Variants in GAB3 observed in about 807,000 individuals in gnomAD.
GAB3 encodes the protein GRB2 associated binding protein 3.
Under a neutral mutation model 40.4 loss-of-function variants are expected in GAB3, and 12 were observed. That is an observed-to-expected ratio of 0.30 (90% confidence interval 0.19 to 0.48). GAB3 has a LOEUF of 0.48. Ranked by LOEUF, GAB3 falls within the 20% of genes least tolerant of loss-of-function variation. The pLI is 0.99. For missense variants in GAB3, 381 were observed against 461.9 expected (o/e 0.82, Z 1.61); for synonymous variants, 154 against 176.7 (o/e 0.87, Z 1.02).
At position 154,712,439 on chromosome X, in the gene GAB3, C is replaced by T. The variant is rs2070965742; in HGVS notation, c.859G>A (p.Val287Ile). The change falls in exon 4 of 10, where the codon GTA (valine) becomes ATA (isoleucine). Residue 287 changes from valine (V) to isoleucine (I), a missense_variant. This residue lies in a region of GAB3 where 364 missense variants were observed against 421.0 expected (regional missense o/e 0.86). Coordinates refer to ENST00000424127, the MANE Select transcript of GAB3 (RefSeq NM_001081573.3). ...GGTAAGGAACCTTGATTTTTATCTA[C>T]CTGAATGGTGGAACTTAAGGAACTT... ...LESSLSSTIQ[V>I]DKNQGSLPCG... 8.3e-7 allele frequency: 1 copy of T among 1,209,364 alleles called. No homozygotes were observed. Among genetic ancestry groups the T allele is most frequent in the Non-Finnish European group, 1.1e-6 (1 of 894,870 alleles).
At chrX:154,682,432 C>T in intron 8 of GAB3, among the ~76,000 whole-genome samples, 1 of 111,465 alleles carries the variant, frequency 9.0e-6, no homozygotes, top group Middle Eastern at 4.9e-3. Flanking sequence ...ATGATATCTA[C>T]TACAGGTTCT....
intron 8 of GAB3, among the ~76,000 whole-genome samples, chrX:154,695,049 A>G (rs1216712459): frequency 1.8e-5 from 2 of 112,357 alleles, no homozygotes; most frequent in Non-Finnish European, 3.8e-5. Context: ...GTTGCTGATT[A>G]TCCTTGCATA....
At chrX:154,736,075 C>G (rs960100230) in intron 1 of GAB3, among the ~76,000 whole-genome samples, 2 of 112,682 alleles carry the variant, frequency 1.8e-5, no homozygotes, top group East Asian at 5.6e-4. Flanking sequence ...TGAAAGCCCC[C>G]CAAAGTGGGG....
At chrX:154,696,398 A>G (rs1239907189) in intron 7 of GAB3, among the ~76,000 whole-genome samples, 2 of 109,970 alleles carry the variant, frequency 1.8e-5, no homozygotes, top group Admixed American at 1.9e-4. Flanking sequence ...CTGATAGGAC[A>G]CAAGACTGCC....
intron 8 of GAB3, among the ~76,000 whole-genome samples, chrX:154,695,011 A>T (rs1189598642): frequency 2.7e-5 from 3 of 112,382 alleles, no homozygotes; most frequent in Non-Finnish European, 5.6e-5. Flanking sequence ...TTATAGCTTA[A>T]CTGGAGATTA....
At chrX:154,710,796 A>G (rs1161297173) in intron 4 of GAB3, among the ~76,000 whole-genome samples, 1 of 112,638 alleles carries the variant, frequency 8.9e-6, no homozygotes, top group Non-Finnish European at 1.9e-5. Context: ...CTTCATGTAA[A>G]AGAACACAAC....
At chrX:154,727,228 T>G (rs1444511481) in intron 1 of GAB3, among the ~76,000 whole-genome samples, 1 of 112,531 alleles carries the variant, frequency 8.9e-6, no homozygotes, top group African/African-American at 3.2e-5. Flanking sequence ...CCTGAACATG[T>G]AGAATCTCCT....
At chrX:154,687,578 G>A (rs782543621) in intron 8 of GAB3, among the ~76,000 whole-genome samples, 2 of 100,144 alleles carry the variant, frequency 2.0e-5, no homozygotes, top group East Asian at 3.2e-4. Flanking sequence ...AGCTTGCAGT[G>A]AGCCGAGATG....
chrX:154,730,330 TC>T (rs1264626890), intron 1 of GAB3, among the ~76,000 whole-genome samples: 1 of 112,415 alleles, frequency 8.9e-6, no homozygotes, highest in Non-Finnish European at 1.9e-5. Flanking sequence ...ACCGTGTTTT[TC>T]TTGTTCTTGT....
chrX:154,734,829 C>T (rs1162959844), intron 1 of GAB3, among the ~76,000 whole-genome samples: 2 of 112,412 alleles, frequency 1.8e-5, no homozygotes, highest in Admixed American at 9.4e-5. Context: ...GCTTTGAGCA[C>T]ATCCAGTCTG....
intron 1 of GAB3, among the ~76,000 whole-genome samples, chrX:154,747,390 T>C (rs2071544500): frequency 8.9e-6 from 1 of 112,666 alleles, no homozygotes; most frequent in South Asian, 3.6e-4. Context: ...CTGGAACAAA[T>C]GAAATCGGTA....
intron 1 of GAB3, among the ~76,000 whole-genome samples, chrX:154,730,417 T>C (rs1459299710): frequency 9.0e-6 from 1 of 111,683 alleles, no homozygotes; most frequent in Non-Finnish European, 1.9e-5. Context: ...GACTGCCACT[T>C]GCAAGGCCCC....
At chrX:154,704,104 C>T (rs1476393640) in intron 4 of GAB3, among the ~76,000 whole-genome samples, 1 of 111,669 alleles carries the variant, frequency 9.0e-6, no homozygotes, top group Non-Finnish European at 1.9e-5. Flanking sequence ...ACGGATTGAA[C>T]TGGAGGTCAT....
chrX:154,702,436 C>T (rs1429355522), intron 4 of GAB3, among the ~76,000 whole-genome samples: 1 of 112,179 alleles, frequency 8.9e-6, no homozygotes, highest in African/African-American at 3.2e-5. Flanking sequence ...GGAAAAAACG[C>T]TAAGGCATCA....
chrX:154,750,153 C>G (rs1344731856), intron 1 of GAB3, among the ~76,000 whole-genome samples: 2 of 112,759 alleles, frequency 1.8e-5, no homozygotes, highest in Admixed American at 1.9e-4. Flanking sequence ...ATGCAACTCC[C>G]TGGGGACTGA....
chrX:154,733,527 A>G (rs1178807594), intron 1 of GAB3, among the ~76,000 whole-genome samples: 1 of 112,177 alleles, frequency 8.9e-6, no homozygotes, highest in Non-Finnish European at 1.9e-5. Context: ...CACTCACTAG[A>G]TTATTTGTTG....
At chrX:154,721,850 T>C (rs1415960664) in intron 1 of GAB3, among the ~76,000 whole-genome samples, 1 of 111,666 alleles carries the variant, frequency 9.0e-6, no homozygotes, top group Non-Finnish European at 1.9e-5. Context: ...GAAAACACTA[T>C]GGAGGTTCCT....
chrX:154,713,432 G>T lies in GAB3; in HGVS notation c.377-6C>A, dbSNP rs782727017. ...GAGGCTCTCCATGGAATCTGCTGGAGAAATCATTTCCCAGGTTAATGTTTA... is the reference window on the plus strand; with the variant it reads ...GAGGCTCTCCATGGAATCTGCTGGATAAATCATTTCCCAGGTTAATGTTTA... On this transcript the variant is annotated splice_polypyrimidine_tract_variant and splice_region_variant and intron_variant, in intron 2 of 9. Transcript: ENST00000424127. 2.7e-5 allele frequency: 32 copies of T among 1,188,512 alleles called. No homozygotes were observed. The highest frequency in any genetic ancestry group is 7.1e-5 in the African/African-American group (4 of 56,023).
chrX:154,742,985 C>CATATATATATATATATATAT (rs34588574), intron 1 of GAB3, among the ~76,000 whole-genome samples: 2 of 92,333 alleles, frequency 2.2e-5, no homozygotes, highest in African/African-American at 7.9e-5. Context: ...AGTGTGTGTA[C>CATATATATATATATATATAT]ATATATATAT....
Sources: allele counts gnomAD v4.1 joint callset (sites outside exome capture counted in the v4.1 genomes callset), GRCh38; gene constraint gnomAD v4.1.1; regional missense constraint gnomAD v4.1.1; transcripts MANE v1.5; gene names NCBI Gene and HGNC (gene_info 2026-07-23, HGNC 2026-07-21).